The following PSD3 variants were observed in gnomAD, a reference collection of about 807,000 sequenced individuals.
The protein encoded by PSD3 is PH and SEC7 domain-containing protein 3.
A neutral mutation model predicts 105.5 loss-of-function variants in PSD3; 49 were observed. The ratio of observed to expected loss-of-function variants is 0.46; its 90% confidence interval spans 0.37 to 0.59. The LOEUF (loss-of-function observed/expected upper bound fraction) is 0.59. PSD3 is among the 20% of genes least tolerant of loss of function. The pLI, the probability that PSD3 is intolerant of heterozygous loss-of-function variation, is 0.00. For synonymous variants in PSD3, 557 were observed against 457.8 expected (o/e 1.22, Z -2.77); for missense variants, 1,561 against 1,263.8 (o/e 1.24, Z -3.57).
At chr8:18,577,890 C>T (rs1802559721) in intron 12 of PSD3, among the ~76,000 whole-genome samples, 1 of 151,788 alleles carries the variant, frequency 6.6e-6, no homozygotes, top group Non-Finnish European at 1.5e-5. Context: ...CCATCTTGAC[C>T]TCTCTCCTCT....
At chr8:18,596,274 T>C (rs1804089574) in intron 12 of PSD3, among the ~76,000 whole-genome samples, 1 of 152,040 alleles carries the variant, frequency 6.6e-6, no homozygotes, top group Non-Finnish European at 1.5e-5. Flanking sequence ...GGCAAGTTTA[T>C]GGTAATAAAC....
chr8:19,005,803 A>G (rs920286226), intron 1 of PSD3, among the ~76,000 whole-genome samples: 1 of 151,848 alleles, frequency 6.6e-6, no homozygotes, highest in Non-Finnish European at 1.5e-5. Flanking sequence ...CTGTTTTTGA[A>G]GTGATGAATA....
chr8:18,732,622 G>C (rs553064797), intron 9 of PSD3, among the ~76,000 whole-genome samples: 55 of 152,274 alleles, frequency 3.6e-4, no homozygotes, highest in African/African-American at 1.2e-3. Context: ...GATATCTTGA[G>C]CTTCCTTCCT....
chr8:18,783,303 T>C (rs563906111), intron 8 of PSD3, among the ~76,000 whole-genome samples: 2 of 152,336 alleles, frequency 1.3e-5, no homozygotes, highest in East Asian at 3.9e-4. Flanking sequence ...ATAAGGCCAA[T>C]AGTAATGCCC....
chr8:18,883,744 A>G (rs548361446), intron 2 of PSD3, among the ~76,000 whole-genome samples: 4 of 152,326 alleles, frequency 2.6e-5, no homozygotes, highest in African/African-American at 9.6e-5. Flanking sequence ...GGGGAAATTC[A>G]GTCTGATAAG....
intron 2 of PSD3, among the ~76,000 whole-genome samples, chr8:18,910,160 T>C (rs1820113016): frequency 6.6e-6 from 1 of 151,856 alleles, no homozygotes; most frequent in Non-Finnish European, 1.5e-5. Flanking sequence ...TGAGTATAAA[T>C]CATGCTGCTA....
intron 9 of PSD3, among the ~76,000 whole-genome samples, chr8:18,704,416 A>C (rs1350010309): frequency 6.6e-6 from 1 of 151,692 alleles, no homozygotes; most frequent in African/African-American, 2.4e-5. Context: ...CGGCTCACTG[A>C]AACTTCTGTC....
chr8:18,742,747 T>A (rs542099553), intron 9 of PSD3, among the ~76,000 whole-genome samples: 1 of 152,320 alleles, frequency 6.6e-6, no homozygotes, highest in Non-Finnish European at 1.5e-5. Context: ...TCAGGAATTA[T>A]TTATTACTGG....
At chr8:18,892,956 A>G (rs148759806) in intron 2 of PSD3, among the ~76,000 whole-genome samples, 87 of 152,282 alleles carry the variant, frequency 5.7e-4, no homozygotes, top group African/African-American at 2.0e-3. Flanking sequence ...ACAACTGGAT[A>G]ATATGATTCA....
intron 1 of PSD3, among the ~76,000 whole-genome samples, chr8:19,082,424 G>A (rs1051069676): frequency 2.6e-5 from 4 of 152,172 alleles, no homozygotes; most frequent in African/African-American, 4.8e-5. Context: ...AGCAGGGGAC[G>A]TCATCAGTGT....
chr8:18,722,098 C>A (rs962803210), intron 9 of PSD3, among the ~76,000 whole-genome samples: 2 of 151,690 alleles, frequency 1.3e-5, no homozygotes, highest in Admixed American at 1.3e-4. Context: ...TTCAACTCCC[C>A]TTTCTCCCAG....
At chr8:18,810,894 G>A (rs750815019) in intron 4 of PSD3, among the ~76,000 whole-genome samples, 1 of 152,050 alleles carries the variant, frequency 6.6e-6, no homozygotes, top group African/African-American at 2.4e-5. Context: ...CAGCTTCCAG[G>A]GCTGAAATAC....
chr8:18,988,659 T>C (rs1424321697), intron 1 of PSD3, among the ~76,000 whole-genome samples: 1 of 152,186 alleles, frequency 6.6e-6, no homozygotes, highest in Non-Finnish European at 1.5e-5. Flanking sequence ...CTTAAGCCAT[T>C]GTTCACAAGA....
chr8:18,997,507 G>C (rs1448282879), intron 1 of PSD3, among the ~76,000 whole-genome samples: 1 of 151,934 alleles, frequency 6.6e-6, no homozygotes, highest in Non-Finnish European at 1.5e-5. Flanking sequence ...ATTCTCATGA[G>C]ACACAGCAGC....
At chr8:18,765,020 T>G (rs779320500) in intron 9 of PSD3, among the ~76,000 whole-genome samples, 1 of 152,200 alleles carries the variant, frequency 6.6e-6, no homozygotes, top group Non-Finnish European at 1.5e-5. Flanking sequence ...AGAATTTAAT[T>G]TAATCTATTT....
At chr8:18,999,430 C>G (rs73666779) in intron 1 of PSD3, among the ~76,000 whole-genome samples, 3,852 of 151,844 alleles carry the variant, frequency 0.025, 205 homozygotes, top group African/African-American at 0.089. Context: ...GAAATTCTGC[C>G]CACATGACTG....
chr8:18,807,265 C>G (rs1423412267), intron 4 of PSD3, among the ~76,000 whole-genome samples: 1 of 152,176 alleles, frequency 6.6e-6, no homozygotes, highest in African/African-American at 2.4e-5. Flanking sequence ...AGCCAGGGCT[C>G]CTGGACAACC....
At chr8:18,975,461 G>A (rs1428522914) in intron 1 of PSD3, among the ~76,000 whole-genome samples, 1 of 152,078 alleles carries the variant, frequency 6.6e-6, no homozygotes, top group Non-Finnish European at 1.5e-5. Flanking sequence ...AAGAGCGTTT[G>A]TAGCCGATTT....
At chr8:18,919,879 T>G in intron 2 of PSD3, among the ~76,000 whole-genome samples, 1 of 145,558 alleles carries the variant, frequency 6.9e-6, no homozygotes, top group African/African-American at 2.5e-5. Context: ...AGGGATAGCA[T>G]TGGGAGATAT....
Sources: gnomAD v4.1 joint callset for allele counts (sites outside exome capture counted in the v4.1 genomes callset) on GRCh38, gnomAD v4.1.1 for gene constraint, MANE v1.5 for transcripts, NCBI Gene and HGNC (gene_info 2026-07-23, HGNC 2026-07-21) for gene names.